Variants in TMEM74 observed in about 807,000 individuals in gnomAD.
TMEM74 encodes the protein transmembrane protein 74.
In TMEM74, 13 loss-of-function variants were observed where a neutral mutation model predicts 18.1. The ratio of observed to expected loss-of-function variants is 0.72; its 90% CI spans 0.47 to 1.14. TMEM74 has a LOEUF of 1.14. Ranked by LOEUF, TMEM74 falls within the 50% of genes most tolerant of loss-of-function variation. The probability of loss-of-function intolerance (pLI) is 0.00; values close to 1 mark genes in which losing one functional copy is unlikely to be tolerated. For missense variants in TMEM74, 372 were observed against 375.9 expected (o/e 0.99, Z 0.09); for synonymous variants, 159 against 146.6 (o/e 1.08, Z -0.61).
At chr8:108,712,901 T>C (rs751767371) in intron 1 of TMEM74, among the ~76,000 whole-genome samples, 2 of 152,176 alleles carry the variant, frequency 1.3e-5, no homozygotes, top group Non-Finnish European at 1.5e-5. Context: ...CTGGAGGTAG[T>C]GTTCTCTCTG....
intron 1 of TMEM74, among the ~76,000 whole-genome samples, chr8:108,725,056 TCTC>T (rs1229147294): frequency 6.6e-6 from 1 of 152,122 alleles, no homozygotes; most frequent in Admixed American, 6.5e-5. Flanking sequence ...TCTCCTTTCT[TCTC>T]TTAGTTCAAG....
chr8:108,628,184 G>T (rs1415522471), intron 2 of TMEM74, among the ~76,000 whole-genome samples: 1 of 151,994 alleles, frequency 6.6e-6, no homozygotes, highest in African/African-American at 2.4e-5. Context: ...TTGATAGTCT[G>T]GTCTATAATG....
intron 1 of TMEM74, among the ~76,000 whole-genome samples, chr8:108,709,604 G>T (rs1327311076): frequency 6.6e-6 from 1 of 152,100 alleles, no homozygotes; most frequent in Non-Finnish European, 1.5e-5. Context: ...GGCGTCTGCT[G>T]TACAGAGTAG....
intron 2 of TMEM74, among the ~76,000 whole-genome samples, chr8:108,625,851 A>C (rs1812488243): frequency 6.6e-6 from 1 of 152,008 alleles, no homozygotes; most frequent in Admixed American, 6.6e-5. Flanking sequence ...AATATCAATT[A>C]TGTCTTTTCT....
chr8:108,730,764 C>G (rs1463872917), intron 1 of TMEM74, among the ~76,000 whole-genome samples: 1 of 151,708 alleles, frequency 6.6e-6, no homozygotes, highest in Admixed American at 6.6e-5. Flanking sequence ...TCCCGAGTAG[C>G]TGGGACTACA....
chr8:108,686,104 A>C, intron 1 of TMEM74, among the ~76,000 whole-genome samples: 1 of 152,324 alleles, frequency 6.6e-6, no homozygotes, highest in Middle Eastern at 3.4e-3. Context: ...GTTTCTTTTA[A>C]AATTCTTTTG....
chr8:108,786,098 A>G (rs72675061), intron 1 of TMEM74, among the ~76,000 whole-genome samples: 4,386 of 152,306 alleles, frequency 0.029, 96 homozygotes, highest in Non-Finnish European at 0.045. Flanking sequence ...CCCAATCTAG[A>G]AGTGAACTGA....
chr8:108,678,735 ATATT>A (rs922334603), intron 1 of TMEM74, among the ~76,000 whole-genome samples: 59 of 149,532 alleles, frequency 3.9e-4, no homozygotes, highest in African/African-American at 1.3e-3. Context: ...TAAAATTTAT[ATATT>A]TATTTATTTA....
chr8:108,731,077 A>G (rs1399920043), intron 1 of TMEM74, among the ~76,000 whole-genome samples: 2 of 151,852 alleles, frequency 1.3e-5, no homozygotes, highest in Admixed American at 1.3e-4. Flanking sequence ...TTTTATTTTC[A>G]TATCTTTTTC....
intron 1 of TMEM74, 95 bp downstream of exon 1, chr8:108,787,381 G>C (rs748357413): frequency 6.6e-6 from 1 of 152,264 alleles, no homozygotes; most frequent in African/African-American, 2.4e-5. Context: ...AGACGAAGGA[G>C]AGAGAGCGGG....
chr8:108,649,013 G>T (rs1370393455), intron 2 of TMEM74, among the ~76,000 whole-genome samples: 1 of 152,084 alleles, frequency 6.6e-6, no homozygotes, highest in Non-Finnish European at 1.5e-5. Context: ...CTCTCCTATG[G>T]ACTTTTACGT....
At chr8:108,756,660 G>GAA (rs1399472758) in intron 1 of TMEM74, among the ~76,000 whole-genome samples, 1 of 76,640 alleles carries the variant, frequency 1.3e-5, no homozygotes, top group African/African-American at 6.5e-5. Flanking sequence ...GAGAAAGAAA[G>GAA]AAAGAAAGAA....
chr8:108,772,337 A>G (rs1814182656), intron 1 of TMEM74, among the ~76,000 whole-genome samples: 1 of 152,172 alleles, frequency 6.6e-6, no homozygotes, highest in Admixed American at 6.5e-5. Flanking sequence ...TGTATGTGGC[A>G]TGATGGGATG....
intron 2 of TMEM74, among the ~76,000 whole-genome samples, chr8:108,642,391 CAAAAA>C (rs34602005): frequency 1.6e-5 from 1 of 63,480 alleles, no homozygotes; most frequent in Non-Finnish European, 3.2e-5. Context: ...GACTCCATCT[CAAAAA>C]AAAAAAAAAA....
At chr8:108,651,654 G>T (rs1812775244) in intron 2 of TMEM74, among the ~76,000 whole-genome samples, 1 of 151,956 alleles carries the variant, frequency 6.6e-6, no homozygotes, top group South Asian at 2.1e-4. Flanking sequence ...AGGGAGCTTT[G>T]AGGTGTGTGT....
intron 1 of TMEM74, among the ~76,000 whole-genome samples, chr8:108,742,103 T>G (rs902023198): frequency 1.3e-5 from 2 of 151,736 alleles, no homozygotes; most frequent in Admixed American, 1.3e-4. Flanking sequence ...TAATGAGAAA[T>G]CACAAACACA....
In TMEM74 at chr8:108,784,248, G is replaced by T. The variant is rs1195806227; in HGVS notation, c.851C>A (p.Thr284Asn). 1 of 1,614,104 alleles carries T rather than the reference G, an allele frequency of 6.2e-7. No individual in the cohort carries two copies. The highest frequency in any genetic ancestry group is 2.2e-5 in the East Asian group (1 of 44,870). Residue 284 changes from threonine to asparagine, a missense_variant, in exon 2 of 2, where the codon ACC (threonine) becomes AAC (asparagine). Physicochemically the swap from Thr to Asn is moderately conservative, Grantham distance 65 (BLOSUM62 0). Coordinates refer to ENST00000297459, the MANE Select transcript of TMEM74 (RefSeq NM_153015.3). ...LYGSFNFRMK[T>N]STNENTLELS... ...TTCCAGAGTGTTTTCATTCGTGCTG[G>T]TTTTCATCCTGAAGTTGAAAGAACC...
At chr8:108,754,823 C>T (rs1234415450) in intron 1 of TMEM74, among the ~76,000 whole-genome samples, 1 of 151,786 alleles carries the variant, frequency 6.6e-6, no homozygotes, top group Non-Finnish European at 1.5e-5. Context: ...GGGCCTAAAC[C>T]AGGTGAGCTG....
At chr8:108,694,873 G>GC (rs1279098895) in intron 1 of TMEM74, among the ~76,000 whole-genome samples, 1 of 152,308 alleles carries the variant, frequency 6.6e-6, no homozygotes, top group Non-Finnish European at 1.5e-5. Context: ...TGTGGAGTGG[G>GC]CGAAGCAAAG....
Sources: allele counts gnomAD v4.1 joint callset (sites outside exome capture counted in the v4.1 genomes callset), GRCh38; gene constraint gnomAD v4.1.1; transcripts MANE v1.5; gene names NCBI Gene and HGNC (gene_info 2026-07-23, HGNC 2026-07-21).